The following HINT2 variants were observed in gnomAD, a reference collection of about 807,000 sequenced individuals.
HINT2 encodes adenosine 5'-monophosphoramidase HINT2.
In HINT2, 17 loss-of-function variants were observed where a neutral mutation model predicts 20.0. The ratio of observed to expected loss-of-function variants is 0.85; its 90% CI spans 0.58 to 1.27. HINT2 has a LOEUF of 1.27. Among genes scored for constraint, HINT2 ranks in the 50% most tolerant of loss-of-function variants. The probability of loss-of-function intolerance (pLI) is 0.00; values close to 1 mark genes in which losing one functional copy is unlikely to be tolerated. For missense variants in HINT2, 217 were observed against 211.9 expected, an observed-to-expected ratio of 1.02 and a Z score of -0.15; for synonymous variants, 96 against 84.2, an observed-to-expected ratio of 1.14 and a Z score of -0.77.
chr9:35,814,939 G>A lies in HINT2; in HGVS notation c.41C>T (p.Ala14Val). The change falls in exon 1 of 5, where the codon GCG becomes GTG. Residue 14 changes from alanine to valine, a missense_variant. Coordinates refer to ENST00000259667, the MANE Select transcript of HINT2 (RefSeq NM_032593.3). The stretch of plus-strand genomic sequence containing the variant: ...CCCCGTGGCCGCCACGGCTCTGCGC[G>A]CCGCGCGCAACCCAGCAGCCAGCAC... ...AVVLAAGLRA[A>V]RRAVAATGVR... The A allele has an allele frequency of 3.4e-6, 5 of 1,485,190 alleles. No homozygotes were observed. Among genetic ancestry groups the A allele is most frequent in the Admixed American group, 2.3e-5 (1 of 43,214 alleles). The allele number at this position is 1,485,190 out of a possible 1,614,324, so 92.0% of individuals were successfully genotyped here. A position where few individuals can be genotyped will look rare whatever the true frequency, so the allele number is the denominator to read the frequency against.
chr9:35,815,074 G>T, upstream of HINT2: 1 of 1,151,432 alleles, frequency 8.7e-7, no homozygotes, highest in Non-Finnish European at 1.1e-6. Flanking sequence ...GCGGGGTAGT[G>T]GCGGCCGGGC....
chr9:35,813,650 G>A lies in HINT2; in HGVS notation c.216C>T (p.Asp72=), dbSNP rs375741199. The A allele has an allele frequency of 5.7e-5, 92 of 1,614,076 alleles. No homozygotes were observed. The highest frequency in any genetic ancestry group is 7.5e-5 in the Non-Finnish European group (88 of 1,180,034). ...GGTCCTAAGAGCACCCCACCTGCTG[G>A]TCCTCATAGAGAATGTCAGCTGGGA... ...KSLPADILYE[D]QQCLVFRDVA... is the part of the protein sequence containing the mutation. Residue 72 remains aspartate (D), a synonymous_variant, in exon 2 of 5, where the codon GAC becomes GAT. Transcript: ENST00000259667.
In HINT2 at chr9:35,814,893, T is replaced by G. The variant is rs774920159; in HGVS notation, c.81+6A>C. ...ACCCCCTACTCGCTCCCGCGCCACT[T>G]CTCACCTGCCCCCCGCGCACCCCCG... On this transcript the variant is annotated splice_donor_region_variant and intron_variant, in intron 1 of 4. Transcript: ENST00000259667. The G allele has an allele frequency of 1.3e-5, 20 of 1,489,988 alleles. 2 individuals carry two copies. The South Asian group carries it at 2.5e-4, about 19-fold the overall frequency. The allele number at this position is 1,489,988 out of a possible 1,614,324, so 92.3% of individuals were successfully genotyped here.
chr9:35,814,638 G>A, intron 1 of HINT2: 2 of 451,212 alleles, frequency 4.4e-6, no homozygotes, highest in East Asian at 7.4e-5. Flanking sequence ...TGGGCTGCAG[G>A]CAGTGGAAAG....
At position 35,813,768 on chromosome 9, in the gene HINT2, C is replaced by G. The variant is rs374552485; in HGVS notation, c.98G>C (p.Gly33Ala). ...GGCCACTTCATTCCCATCAGTCACA[C>G]CTGCAGCTCCTCGGACCTGAAGGTG... ...VRGGQVRGAA[G>A]VTDGNEVAKA... The change falls in exon 2 of 5, where the codon GGT becomes GCT. Residue 33 changes from glycine to alanine, a missense_variant. Gly to Ala is a moderately conservative substitution (Grantham distance 60). Coordinates refer to ENST00000259667, the MANE Select transcript of HINT2 (RefSeq NM_032593.3). 1.2e-6 allele frequency: 2 copies of G among 1,613,110 alleles called. No homozygotes were observed. Among genetic ancestry groups the G allele is most frequent in the Non-Finnish European group, 1.7e-6 (2 of 1,179,512 alleles).
upstream of HINT2, chr9:35,815,344 G>A (rs1232284654): frequency 1.0e-5 from 2 of 198,434 alleles, no homozygotes; most frequent in Non-Finnish European, 2.0e-5. Flanking sequence ...TCTCCTAGTT[G>A]AATCTGATAC....
Position 35,813,717 on chromosome 9 carries a change from C to T in HINT2, c.149G>A (p.Gly50Glu). Residue 50 changes from glycine to glutamate, a missense_variant, in exon 2 of 5, where the codon GGA becomes GAA. Gly to Glu is a moderately conservative substitution (Grantham distance 98). Coordinates refer to ENST00000259667, the MANE Select transcript of HINT2 (RefSeq NM_032593.3). ...CCGGGAGAAGATGGTTGGGGCTGCT[C>T]CCCCAGGAGTTGCCTGCTGGGCCTT... ...VAKAQQATPG[G>E]AAPTIFSRIL... 6.2e-7 allele frequency: 1 copy of T among 1,614,114 alleles called. No individual in the cohort carries two copies. The highest frequency in any genetic ancestry group is 1.1e-5 in the South Asian group (1 of 91,080).
At chr9:35,814,366 G>A (rs897940333) in intron 1 of HINT2, 1 of 154,684 alleles carries the variant, frequency 6.5e-6, no homozygotes, top group African/African-American at 2.4e-5. Context: ...CCTTGAATGA[G>A]TGGAGGTAAG....
In HINT2 at chr9:35,813,058, C is replaced by A. The variant is rs1828889580; in HGVS notation, c.488G>T (p.Gly163Val). 1 of 1,613,954 alleles carries A rather than the reference C, an allele frequency of 6.2e-7. No homozygotes were observed. ...TCCTTTAATCAGTTGGCAGGTTCAA[C>A]CTGGAGGCCACTGGAGCTGCCGGCC... is the stretch of plus-strand genomic sequence containing the variant. The part of the protein sequence containing the change: ...LGGRQLQWPP[G>V] The change falls in exon 5 of 5, where the codon GGT becomes GTT. Residue 163 changes from glycine to valine, a missense_variant. Coordinates refer to ENST00000259667, the MANE Select transcript of HINT2 (RefSeq NM_032593.3).
intron 1 of HINT2, 149 bp from the exon 2 acceptor site, chr9:35,813,933 G>T: frequency 1.2e-6 from 1 of 810,306 alleles, no homozygotes; most frequent in Non-Finnish European, 1.9e-6. Flanking sequence ...AAAGGGTAGG[G>T]CCAGAAGGTG....
chr9:35,813,829 C>T (rs1828935468), intron 1 of HINT2, 45 bp from the exon 2 acceptor site: 2 of 1,575,496 alleles, frequency 1.3e-6, no homozygotes, highest in Non-Finnish European at 1.7e-6. Flanking sequence ...CTGGCAGAAG[C>T]TGGGCTCTGA....
At position 35,813,073 on chromosome 9, in the gene HINT2, A is replaced by G; in HGVS notation, c.473T>C (p.Leu158Pro). Residue 158 changes from leucine to proline, a missense_variant, in exon 5 of 5, where the codon CTC (leucine) becomes CCC (proline). Leu to Pro is a moderately conservative substitution (Grantham distance 98). Coordinates refer to ENST00000259667, the MANE Select transcript of HINT2 (RefSeq NM_032593.3). ...LHIHVLGGRQ[L>P]QWPPG ...GCAGGTTCAACCTGGAGGCCACTGG[A>G]GCTGCCGGCCCCCAAGTACATGAAT... The G allele has an allele frequency of 6.2e-7, 1 of 1,614,110 alleles. No individual in the cohort carries two copies. The highest frequency in any genetic ancestry group is 1.7e-5 in the Admixed American group (1 of 60,024).
rs895540386 is a variant in HINT2 at position 35,813,042 on chromosome 9, C to T, written c.*12G>A. The T allele has an allele frequency of 3.7e-6, 6 of 1,606,904 alleles. No individual in the cohort carries two copies. The highest frequency in any genetic ancestry group is 2.2e-5 in the East Asian group (1 of 44,864). On this transcript the variant is annotated 3_prime_UTR_variant, in exon 5 of 5. Coordinates refer to ENST00000259667, the MANE Select transcript of HINT2 (RefSeq NM_032593.3). ...CATCCAGAGTCTGGTGTCCTTTAAT[C>T]AGTTGGCAGGTTCAACCTGGAGGCC...
chr9:35,813,339 C>T lies in HINT2; in HGVS notation c.328-1G>A. On this transcript the variant is annotated splice_acceptor_variant, in intron 3 of 4. Coordinates refer to ENST00000259667, the MANE Select transcript of HINT2 (RefSeq NM_032593.3). LOFTEE classifies it high-confidence loss of function. Reference sequence around the variant, plus strand: ...CCACAAGGAGTAGGTGTCCTAGAAGCTATAGAGAGAGCGGAGGGACATAGG... The same window carrying T: ...CCACAAGGAGTAGGTGTCCTAGAAGTTATAGAGAGAGCGGAGGGACATAGG... 1 of 1,613,870 alleles carries T rather than the reference C, an allele frequency of 6.2e-7. No homozygotes were observed. The highest frequency in any genetic ancestry group is 1.3e-5 in the African/African-American group (1 of 75,044).
At position 35,814,865 on chromosome 9, in the gene HINT2, A is replaced by G. The variant is rs1828979300; in HGVS notation, c.81+34T>C. ...GGCCCCGGATGGCTTCGGAGCCCGC[A>G]GGACCCCCTACTCGCTCCCGCGCCA... is the stretch of plus-strand genomic sequence containing the variant. On this transcript the variant is annotated intron_variant, in intron 1 of 4. Coordinates refer to ENST00000259667, the MANE Select transcript of HINT2 (RefSeq NM_032593.3). 3.4e-6 allele frequency: 5 copies of G among 1,469,140 alleles called. No individual in the cohort carries two copies. In the East Asian group the frequency reaches 1.5e-4, roughly 43 times the overall value. The allele number at this position is 1,469,140 out of a possible 1,614,324, so 91.0% of individuals were successfully genotyped here.
At chr9:35,814,621 G>A (rs1828966694) in intron 1 of HINT2, 1 of 428,702 alleles carries the variant, frequency 2.3e-6, no homozygotes, top group East Asian at 3.9e-5. Flanking sequence ...GGGGGCATCG[G>A]GCCAGCTGGG....
In HINT2 at chr9:35,813,012, C is replaced by G. The variant is rs772886910; in HGVS notation, c.*42G>C. The G allele has an allele frequency of 2.7e-5, 40 of 1,496,414 alleles. 1 individual carries two copies. The South Asian group carries it at 4.5e-4, about 17-fold the overall frequency. The allele number at this position is 1,496,414 out of a possible 1,614,324, so 92.7% of individuals were successfully genotyped here. On this transcript the variant is annotated 3_prime_UTR_variant, in exon 5 of 5. Transcript: ENST00000259667. ...ACAGGGTCCATTTTTCCCTTTCCAT[C>G]CAAGCATCCAGAGTCTGGTGTCCTT...
Position 35,814,938 on chromosome 9 carries a change from C to G in HINT2, c.42G>C (p.Ala14=). 6.7e-7 allele frequency: 1 copy of G among 1,486,016 alleles called. No homozygotes were observed. The highest frequency in any genetic ancestry group is 8.9e-7 in the Non-Finnish European group (1 of 1,125,652). The allele number at this position is 1,486,016 out of a possible 1,614,324, so 92.1% of individuals were successfully genotyped here. ...CCCCCGTGGCCGCCACGGCTCTGCG[C>G]GCCGCGCGCAACCCAGCAGCCAGCA... ...AVVLAAGLRA[A]RRAVAATGVR... The change falls in exon 1 of 5, where the codon GCG becomes GCC. Residue 14 remains alanine, a synonymous_variant. Coordinates refer to ENST00000259667, the MANE Select transcript of HINT2 (RefSeq NM_032593.3).
Position 35,813,060 on chromosome 9 carries a change from T to G in HINT2, c.486A>C (p.Pro162=). Residue 162 remains proline (P), a synonymous_variant, in exon 5 of 5, where the codon CCA becomes CCC. Coordinates refer to ENST00000259667, the MANE Select transcript of HINT2 (RefSeq NM_032593.3). ...VLGGRQLQWP[P]G is the part of the protein sequence containing the mutation. ...CTTTAATCAGTTGGCAGGTTCAACC[T>G]GGAGGCCACTGGAGCTGCCGGCCCC... is the stretch of plus-strand genomic sequence containing the variant. 1 of 1,613,956 alleles carries G rather than the reference T, an allele frequency of 6.2e-7. No homozygotes were observed. Among genetic ancestry groups the G allele is most frequent in the Non-Finnish European group, 8.5e-7 (1 of 1,179,782 alleles).
Sources: allele counts gnomAD v4.1 joint callset, GRCh38; gene constraint gnomAD v4.1.1; transcripts MANE v1.5; gene names NCBI Gene and HGNC (gene_info 2026-07-23, HGNC 2026-07-21).